RFX3: variants seen among roughly 807,000 people sequenced by gnomAD.
The protein encoded by RFX3 is transcription factor RFX3.
Under a neutral mutation model 98.6 loss-of-function variants are expected in RFX3, and 14 were observed. The ratio of observed to expected loss-of-function variants is 0.14; its 90% CI spans 0.09 to 0.22. The LOEUF (loss-of-function observed/expected upper bound fraction) is 0.22. Among genes scored for constraint, RFX3 ranks in the 10% least tolerant of loss-of-function variants. The pLI, the probability that RFX3 is intolerant of heterozygous loss-of-function variation, is 1.00. For synonymous variants in RFX3, 383 were observed against 328.4 expected, an observed-to-expected ratio of 1.17 and a Z score of -1.80; for missense variants, 639 against 926.9, an observed-to-expected ratio of 0.69 and a Z score of 4.03.
At chr9:3,275,333 C>T (rs934728166) in intron 9 of RFX3, 167 bp downstream of exon 9, 3 of 463,972 alleles carry the variant, frequency 6.5e-6, no homozygotes, top group Non-Finnish European at 1.2e-5. Flanking sequence ...CATCTCTCCA[C>T]TCTGAGACCA....
chr9:3,227,910 T>A (rs1436459624), intron 16 of RFX3, among the ~76,000 whole-genome samples: 2 of 152,156 alleles, frequency 1.3e-5, no homozygotes. Flanking sequence ...CGAACCTCTT[T>A]ACAGACTCCC....
intron 1 of RFX3, among the ~76,000 whole-genome samples, chr9:3,520,827 G>A (rs1045518792): frequency 1.1e-4 from 17 of 152,028 alleles, no homozygotes; most frequent in African/African-American, 7.3e-5. Flanking sequence ...GGCACGCACC[G>A]GCAAGGCTGG....
At chr9:3,444,992 A>C (rs1845917443) in intron 1 of RFX3, among the ~76,000 whole-genome samples, 3 of 152,206 alleles carry the variant, frequency 2.0e-5, no homozygotes. Flanking sequence ...AATGCCACTT[A>C]TTAGGAAAAC....
At chr9:3,401,646 A>G (rs1215473824) in intron 1 of RFX3, among the ~76,000 whole-genome samples, 1 of 152,228 alleles carries the variant, frequency 6.6e-6, no homozygotes, top group African/African-American at 2.4e-5. Flanking sequence ...ATATTCTTAC[A>G]GGAGAGACAT....
chr9:3,377,012 C>T (rs904221072), intron 2 of RFX3, among the ~76,000 whole-genome samples: 3 of 152,310 alleles, frequency 2.0e-5, no homozygotes, highest in Middle Eastern at 3.4e-3. Flanking sequence ...TAAGCTAGTT[C>T]AACCATTGTG....
intron 1 of RFX3, among the ~76,000 whole-genome samples, chr9:3,402,252 T>A (rs867764157): frequency 6.6e-6 from 1 of 152,170 alleles, no homozygotes; most frequent in Non-Finnish European, 1.5e-5. Context: ...TCTGCAAAGT[T>A]TGGTTCCACT....
chr9:3,309,168 T>C (rs1325246112), intron 4 of RFX3, among the ~76,000 whole-genome samples: 1 of 152,166 alleles, frequency 6.6e-6, no homozygotes, highest in Non-Finnish European at 1.5e-5. Flanking sequence ...ATGCATATTT[T>C]GTGACAGACT....
intron 1 of RFX3, among the ~76,000 whole-genome samples, chr9:3,443,221 G>A (rs1264549769): frequency 2.0e-5 from 3 of 152,110 alleles, no homozygotes; most frequent in East Asian, 3.9e-4. Context: ...TAAGTTCAGC[G>A]GTATATGTGC....
intron 15 of RFX3, among the ~76,000 whole-genome samples, chr9:3,233,734 T>C (rs1271963712): frequency 2.6e-5 from 4 of 152,244 alleles, no homozygotes; most frequent in Non-Finnish European, 5.9e-5. Flanking sequence ...CAGCCATCGC[T>C]TGCTAATTGT....
intron 15 of RFX3, among the ~76,000 whole-genome samples, chr9:3,233,001 C>T (rs1017868659): frequency 3.9e-5 from 6 of 152,046 alleles, no homozygotes; most frequent in African/African-American, 1.2e-4. Flanking sequence ...GGAAACGTTC[C>T]GAAGAGAAAC....
At chr9:3,349,813 T>C (rs899371324) in intron 2 of RFX3, among the ~76,000 whole-genome samples, 6 of 152,096 alleles carry the variant, frequency 3.9e-5, no homozygotes, top group Non-Finnish European at 8.8e-5. Context: ...TTGAAGATCA[T>C]TCAAGTATGA....
chr9:3,427,360 T>A (rs1844173461), intron 1 of RFX3, among the ~76,000 whole-genome samples: 1 of 140,122 alleles, frequency 7.1e-6, no homozygotes, highest in Non-Finnish European at 1.5e-5. Context: ...ATACTATATA[T>A]AAATATATAT....
intron 2 of RFX3, among the ~76,000 whole-genome samples, chr9:3,376,495 C>T (rs973607259): frequency 4.4e-4 from 67 of 152,214 alleles, no homozygotes; most frequent in African/African-American, 1.6e-3. Flanking sequence ...CTCTCATACA[C>T]ACAATAACAT....
chr9:3,228,768 A>C (rs1182438692), intron 16 of RFX3, 79 bp downstream of exon 16: 3 of 1,185,432 alleles, frequency 2.5e-6, no homozygotes, highest in Non-Finnish European at 3.6e-6. Context: ...GAGTGTTGTA[A>C]ACATATACCG....
At chr9:3,478,781 C>T (rs1849489491) in intron 1 of RFX3, among the ~76,000 whole-genome samples, 1 of 152,180 alleles carries the variant, frequency 6.6e-6, no homozygotes, top group Non-Finnish European at 1.5e-5. Context: ...TTGGCTAGTT[C>T]TCCAGACTTT....
At chr9:3,296,826 C>T (rs751890031) in intron 5 of RFX3, among the ~76,000 whole-genome samples, 1 of 152,060 alleles carries the variant, frequency 6.6e-6, no homozygotes, top group Non-Finnish European at 1.5e-5. Flanking sequence ...AACTAACCCA[C>T]CTCGGGCTAG....
At chr9:3,407,998 C>T (rs1842109236) in intron 1 of RFX3, among the ~76,000 whole-genome samples, 1 of 152,098 alleles carries the variant, frequency 6.6e-6, no homozygotes, top group Admixed American at 6.6e-5. Context: ...CAGAGTTGAG[C>T]TCTCAGGTAC....
intron 5 of RFX3, among the ~76,000 whole-genome samples, chr9:3,294,227 C>G (rs17658908): frequency 0.032 from 4,857 of 152,202 alleles, 110 homozygotes; most frequent in Non-Finnish European, 0.049. Flanking sequence ...ATGCCTGAGT[C>G]TGGTTTCCAA....
chr9:3,439,150 A>T (rs1343752421), intron 1 of RFX3, among the ~76,000 whole-genome samples: 1 of 151,886 alleles, frequency 6.6e-6, no homozygotes, highest in African/African-American at 2.4e-5. Flanking sequence ...ATAAAAATAA[A>T]AATTTGTAGT....
Sources: gnomAD v4.1 joint callset for allele counts (sites outside exome capture counted in the v4.1 genomes callset) on GRCh38, gnomAD v4.1.1 for gene constraint, MANE v1.5 for transcripts, NCBI Gene and HGNC (gene_info 2026-07-23, HGNC 2026-07-21) for gene names.